The following CYTH3 variants were observed in gnomAD, a reference collection of about 807,000 sequenced individuals.
The protein encoded by CYTH3 is cytohesin-3.
In CYTH3, 23 loss-of-function variants were observed where a neutral mutation model predicts 55.1. The ratio of observed to expected loss-of-function variants is 0.42; its 90% confidence interval spans 0.30 to 0.59. The LOEUF (loss-of-function observed/expected upper bound fraction) is 0.59. Among genes scored for constraint, CYTH3 ranks in the 20% least tolerant of loss-of-function variants. CYTH3 has a pLI of 0.20. For missense variants in CYTH3, 413 were observed against 524.8 expected (o/e 0.79, Z 2.08); for synonymous variants, 249 against 194.9 (o/e 1.28, Z -2.31).
intron 1 of CYTH3, among the ~76,000 whole-genome samples, chr7:6,244,035 G>C (rs1333891005): frequency 6.6e-6 from 1 of 152,144 alleles, no homozygotes; most frequent in African/African-American, 2.4e-5. Context: ...GTATTTACAG[G>C]TTTTAAACCT....
intron 1 of CYTH3, chr7:6,212,648 T>G (rs1784346649): frequency 6.6e-6 from 1 of 152,230 alleles, no homozygotes; most frequent in Non-Finnish European, 1.5e-5. Context: ...TAAAGATTAG[T>G]CAAATGCAGT....
chr7:6,233,860 A>G (rs1779450591), intron 1 of CYTH3, among the ~76,000 whole-genome samples: 1 of 152,070 alleles, frequency 6.6e-6, no homozygotes, highest in African/African-American at 2.4e-5. Context: ...TCCAAGATCC[A>G]GGTGCCGGCG....
intron 3 of CYTH3, 62 bp downstream of exon 3, chr7:6,187,595 C>T: frequency 1.4e-6 from 2 of 1,460,098 alleles, no homozygotes; most frequent in Non-Finnish European, 1.9e-6. Flanking sequence ...GCAAGTTTGA[C>T]TACAGGATGG....
In CYTH3 at chr7:6,162,219, T is replaced by G. The variant is rs968226967; in HGVS notation, c.*2725A>C. On this transcript the variant is annotated 3_prime_UTR_variant, in exon 13 of 13. Coordinates refer to ENST00000350796, the MANE Select transcript of CYTH3 (RefSeq NM_004227.4). ...TTCTGTGACCCCAAAGACACAAAGTTGCTGCTTATCTGGGTCCAGGGTCAG... is the reference window on the plus strand; with the variant it reads ...TTCTGTGACCCCAAAGACACAAAGTGGCTGCTTATCTGGGTCCAGGGTCAG... The G allele has an allele frequency of 1.3e-5, 2 of 152,418 alleles. No homozygotes were observed. Among genetic ancestry groups the G allele is most frequent in the Admixed American group, 1.3e-4 (2 of 15,278 alleles). 9.4% of individuals were successfully genotyped at this position (152,418 alleles called of 1,614,324 possible).
Position 6,170,345 on chromosome 7 carries a change from T to C in CYTH3, c.823+190A>G. ...CTACTCTCTGCCGCGGGCATGGCTC[T>C]GAGGCCCCGGCTCGGAGAAGCAGCC... On this transcript the variant is annotated intron_variant, in intron 9 of 12. Transcript: ENST00000350796. This position sits in a 1 kb window ranked among gnomAD's most constrained non-coding sequence, Gnocchi z 7.8. 1 of 594,914 alleles carries C rather than the reference T, an allele frequency of 1.7e-6. No homozygotes were observed. The allele number at this position is 594,914 out of a possible 1,614,324, so 36.9% of individuals were successfully genotyped here. A position where few individuals can be genotyped will look rare whatever the true frequency, so the allele number is the denominator to read the frequency against.
intron 1 of CYTH3, among the ~76,000 whole-genome samples, chr7:6,224,570 G>A (rs984911710): frequency 6.6e-6 from 1 of 152,156 alleles, no homozygotes; most frequent in Non-Finnish European, 1.5e-5. Flanking sequence ...AACAAGTGTT[G>A]GCAAGGATGT....
chr7:6,189,385 T>C (rs1360212232), intron 2 of CYTH3, among the ~76,000 whole-genome samples: 1 of 152,170 alleles, frequency 6.6e-6, no homozygotes, highest in Non-Finnish European at 1.5e-5. Context: ...CACAGTTCAC[T>C]GTAGCCTCAG....
At chr7:6,219,751 T>G (rs1784511401) in intron 1 of CYTH3, among the ~76,000 whole-genome samples, 1 of 152,068 alleles carries the variant, frequency 6.6e-6, no homozygotes, top group Admixed American at 6.6e-5. Context: ...TAGCTTGGAA[T>G]GAAAAAGACT....
rs1783187581 is a variant in CYTH3 at position 6,171,350 on chromosome 7, G to C, written c.450-36C>G. ...ACCAAAGCCATGGGAAGCCGCATCA[G>C]AACCAACACCGCCTCACGGCCAAGG... is the stretch of plus-strand genomic sequence containing the variant. On this transcript the variant is annotated intron_variant, in intron 6 of 12. Coordinates refer to ENST00000350796, the MANE Select transcript of CYTH3 (RefSeq NM_004227.4). This position sits in a 1 kb window ranked among gnomAD's most constrained non-coding sequence, Gnocchi z 6.7. The C allele has an allele frequency of 6.2e-7, 1 of 1,601,368 alleles. No homozygotes were observed.
intron 1 of CYTH3, among the ~76,000 whole-genome samples, chr7:6,218,182 G>GA (rs1338360876): frequency 6.6e-6 from 1 of 152,016 alleles, no homozygotes; most frequent in Admixed American, 6.6e-5. Flanking sequence ...ATCTCAAAAA[G>GA]AAAAGAAAAA....
intron 1 of CYTH3, among the ~76,000 whole-genome samples, chr7:6,201,757 G>T (rs578146562): frequency 3.5e-4 from 53 of 152,280 alleles, no homozygotes; most frequent in Non-Finnish European, 6.2e-4. Flanking sequence ...GTTCGAAGGC[G>T]GAGCGGATAG....
At chr7:6,198,758 A>G (rs2128546266) in intron 1 of CYTH3, among the ~76,000 whole-genome samples, 1 of 147,314 alleles carries the variant, frequency 6.8e-6, no homozygotes, top group South Asian at 2.2e-4. Flanking sequence ...TTCCCCTCCA[A>G]CCTCAATAAA....
chr7:6,270,288 G>A (rs1780616686), intron 1 of CYTH3, among the ~76,000 whole-genome samples: 1 of 152,128 alleles, frequency 6.6e-6, no homozygotes, highest in Non-Finnish European at 1.5e-5. Flanking sequence ...ATTTTTAAGT[G>A]TCTGTCACAA....
rs543726769 is a variant in CYTH3, at chr7:6,167,253, C to T, written c.824-1443G>A. On this transcript the variant is annotated intron_variant, in intron 9 of 12. Coordinates refer to ENST00000350796, the MANE Select transcript of CYTH3 (RefSeq NM_004227.4). The surrounding 1 kb of genome is among the most constrained non-coding windows in gnomAD (Gnocchi z 5.5). ...CTCCACTGCAGCACACCAGGGAGGC[C>T]CAAGTCCACAGGGGAGGGCAGGAGA... Among the ~76,000 whole-genome samples the T allele has an allele frequency of 6.6e-6, 1 of 152,320 alleles. No individual in the cohort carries two copies. Among genetic ancestry groups the T allele is most frequent in the East Asian group, 1.9e-4 (1 of 5,184 alleles).
intron 1 of CYTH3, among the ~76,000 whole-genome samples, chr7:6,224,893 A>G (rs1044142628): frequency 8.5e-5 from 13 of 152,252 alleles, no homozygotes; most frequent in African/African-American, 1.7e-4. Flanking sequence ...TGGATATGTT[A>G]TAACATACAT....
At chr7:6,207,881 C>T (rs1251262137) in intron 1 of CYTH3, among the ~76,000 whole-genome samples, 2 of 139,516 alleles carry the variant, frequency 1.4e-5, no homozygotes, top group African/African-American at 5.5e-5. Context: ...ACCCAGAAAG[C>T]GGAGGTTGCA....
chr7:6,189,974 T>C (rs3793209), intron 2 of CYTH3, among the ~76,000 whole-genome samples: 9,506 of 152,082 alleles, frequency 0.063, 741 homozygotes, highest in East Asian at 0.43. Context: ...AGGCAAAGGA[T>C]GCAGTGAGCC....
At chr7:6,236,148 ACAGACAAGG>A (rs1223605548) in intron 1 of CYTH3, among the ~76,000 whole-genome samples, 1 of 152,192 alleles carries the variant, frequency 6.6e-6, no homozygotes, top group East Asian at 1.9e-4. Flanking sequence ...TCATGCAGAC[ACAGACAAGG>A]GTTTTAGAAA....
intron 5 of CYTH3, among the ~76,000 whole-genome samples, chr7:6,176,285 A>C (rs1429453710): frequency 1.8e-5 from 2 of 110,908 alleles, no homozygotes; most frequent in Non-Finnish European, 3.4e-5. Flanking sequence ...TTTTTGAGCC[A>C]GAGTCTCACT....
Sources: gnomAD v4.1 joint callset for allele counts (sites outside exome capture counted in the v4.1 genomes callset) on GRCh38, gnomAD v4.1.1 for gene constraint, Gnocchi (gnomAD v3.1) non-coding constraint, MANE v1.5 for transcripts, NCBI Gene and HGNC (gene_info 2026-07-23, HGNC 2026-07-21) for gene names.